Variants in TRPC5 observed in about 807,000 individuals in gnomAD.
TRPC5 encodes the protein transient receptor potential cation channel subfamily C member 5.
Under a neutral mutation model 56.5 loss-of-function variants are expected in TRPC5, and 9 were observed. The observed-to-expected ratio is 0.16, with a 90% CI of 0.10 to 0.28. The LOEUF (loss-of-function observed/expected upper bound fraction) is 0.28. TRPC5 is among the 10% of genes least tolerant of loss of function. The pLI, the probability that TRPC5 is intolerant of heterozygous loss-of-function variation, is 1.00. For synonymous variants in TRPC5, 282 were observed against 278.5 expected, an observed-to-expected ratio of 1.01 and a Z score of -0.13; for missense variants, 469 against 748.9, an observed-to-expected ratio of 0.63 and a Z score of 4.36.
chrX:111,825,147 CTTTCTTTCT>C (rs1217611154), intron 7 of TRPC5, among the ~76,000 whole-genome samples: 1 of 24,761 alleles, frequency 4.0e-5, no homozygotes, highest in East Asian at 4.4e-3. Context: ...TCCTTCCTTC[CTTTCTTTCT>C]TTCTTTCTTT....
At chrX:112,077,936 G>A (rs1360706697) in intron 1 of TRPC5, among the ~76,000 whole-genome samples, 1 of 111,033 alleles carries the variant, frequency 9.0e-6, no homozygotes, top group East Asian at 2.8e-4. Flanking sequence ...GTGTGCATGT[G>A]TGTGTATTTG....
At chrX:111,812,309 T>C (rs1477193371) in intron 7 of TRPC5, among the ~76,000 whole-genome samples, 1 of 111,309 alleles carries the variant, frequency 9.0e-6, no homozygotes, top group African/African-American at 3.3e-5. Flanking sequence ...TAGAATGCTT[T>C]CTGGTGCCCC....
chrX:111,995,123 T>A (rs981006525), intron 1 of TRPC5, among the ~76,000 whole-genome samples: 5 of 111,796 alleles, frequency 4.5e-5, no homozygotes. Context: ...GCTCTTATTA[T>A]TTTGAGATAC....
At chrX:112,010,616 C>T (rs1162378025) in intron 1 of TRPC5, among the ~76,000 whole-genome samples, 1 of 110,869 alleles carries the variant, frequency 9.0e-6, no homozygotes, top group Admixed American at 9.7e-5. Flanking sequence ...GTGTATCTAA[C>T]ACACAATATC....
chrX:111,801,669 C>A (rs1427728016), intron 7 of TRPC5, among the ~76,000 whole-genome samples: 1 of 112,054 alleles, frequency 8.9e-6, no homozygotes, highest in African/African-American at 3.2e-5. Context: ...ACAATGTGCT[C>A]ATTGACCATT....
intron 7 of TRPC5, among the ~76,000 whole-genome samples, chrX:111,823,279 G>C (rs779290050): frequency 8.9e-6 from 1 of 111,898 alleles, no homozygotes; most frequent in East Asian, 2.8e-4. Context: ...GGCCCAGGCA[G>C]AATGGGGGAG....
At position 111,774,763 on chromosome X, in the gene TRPC5, T is replaced by G. The variant is rs1945865158; in HGVS notation, c.*1550A>C. 9.0e-6 allele frequency: 1 copy of G among 111,203 alleles called. No homozygotes were observed. Among genetic ancestry groups the G allele is most frequent in the African/African-American group, 3.3e-5 (1 of 30,557 alleles). The allele number at this position is 111,203 out of a possible 1,213,427, so 9.2% of individuals were successfully genotyped here. A position where few individuals can be genotyped will look rare whatever the true frequency, so the allele number is the denominator to read the frequency against. ...CGAAAGTTCCTCATTTCTCTTACTT[T>G]TATCAGAAATTACATACATTAATCT... is the stretch of plus-strand genomic sequence containing the variant. On this transcript the variant is annotated 3_prime_UTR_variant, in exon 11 of 11. Coordinates refer to ENST00000262839, the MANE Select transcript of TRPC5 (RefSeq NM_012471.3).
chrX:111,973,268 C>G (rs1427340748), intron 1 of TRPC5, among the ~76,000 whole-genome samples: 1 of 111,901 alleles, frequency 8.9e-6, no homozygotes, highest in Non-Finnish European at 1.9e-5. Flanking sequence ...GCTAATGACA[C>G]AAGGCCTTGT....
At chrX:112,005,777 T>C (rs1569529410) in intron 1 of TRPC5, among the ~76,000 whole-genome samples, 1 of 111,934 alleles carries the variant, frequency 8.9e-6, no homozygotes, top group East Asian at 2.8e-4. Flanking sequence ...CTTCTGTGAC[T>C]ACTTTGTGAA....
At chrX:111,831,210 G>C (rs1159797079) in intron 7 of TRPC5, among the ~76,000 whole-genome samples, 3 of 112,534 alleles carry the variant, frequency 2.7e-5, no homozygotes, top group Non-Finnish European at 5.6e-5. Context: ...GGAACAGCTG[G>C]AGTGGCACCT....
chrX:111,789,490 A>C (rs1222400300), intron 7 of TRPC5, among the ~76,000 whole-genome samples: 2 of 112,400 alleles, frequency 1.8e-5, no homozygotes, highest in Non-Finnish European at 3.7e-5. Flanking sequence ...AATACCATTC[A>C]GGACATAGGC....
chrX:111,842,628 C>T (rs1476625495), intron 6 of TRPC5, among the ~76,000 whole-genome samples: 1 of 112,032 alleles, frequency 8.9e-6, no homozygotes, highest in East Asian at 2.8e-4. Context: ...TCAGATGACA[C>T]AAGACTAGAG....
intron 2 of TRPC5, among the ~76,000 whole-genome samples, chrX:111,946,419 C>A (rs1926935134): frequency 9.0e-6 from 1 of 111,671 alleles, no homozygotes; most frequent in African/African-American, 3.3e-5. Flanking sequence ...TAGTGTCTTT[C>A]TTCCTGACTG....
chrX:112,047,052 CTCTTG>C (rs756529523), intron 1 of TRPC5, among the ~76,000 whole-genome samples: 1 of 111,812 alleles, frequency 8.9e-6, no homozygotes, highest in African/African-American at 3.2e-5. Flanking sequence ...AGGGCAGGGA[CTCTTG>C]TCTTATTTCC....
chrX:112,042,653 C>A (rs1929923390), intron 1 of TRPC5, among the ~76,000 whole-genome samples: 1 of 111,460 alleles, frequency 9.0e-6, no homozygotes, highest in Non-Finnish European at 1.9e-5. Flanking sequence ...CAACACCTGG[C>A]TTTTCTTCTG....
chrX:111,975,326 GA>G (rs780077724), intron 1 of TRPC5, among the ~76,000 whole-genome samples: 24,092 of 90,301 alleles, frequency 0.27, 3,337 homozygotes, highest in African/African-American at 0.54. Context: ...TCACTAAATA[GA>G]AAAAAAAAAA....
Position 111,914,468 on chromosome X carries a change from A to G in TRPC5, c.379-1656T>C, listed in dbSNP as rs534346348. ...TTTTCAACATCATTGCCTCCCTCCC[A>G]CCTTGCACGCAGGATTCTCAAACAG... On this transcript the variant is annotated intron_variant, in intron 2 of 10. Transcript: ENST00000262839. 2.2e-4 allele frequency among the ~76,000 whole-genome samples: 25 copies of G among 112,069 alleles called. No individual in the cohort carries two copies. The South Asian group carries it at 8.6e-3, about 38-fold the overall frequency.
At chrX:111,802,601 C>G (rs1292091388) in intron 7 of TRPC5, among the ~76,000 whole-genome samples, 1 of 110,898 alleles carries the variant, frequency 9.0e-6, no homozygotes, top group Non-Finnish European at 1.9e-5. Context: ...CTTAGATACA[C>G]AGTGTTTGAG....
At chrX:111,996,508 T>G (rs188713037) in intron 1 of TRPC5, among the ~76,000 whole-genome samples, 179 of 112,020 alleles carry the variant, frequency 1.6e-3, no homozygotes, top group African/African-American at 5.3e-3. Context: ...GTCTGCTTGT[T>G]GCAGAGCTGA....
Sources: allele counts gnomAD v4.1 joint callset (sites outside exome capture counted in the v4.1 genomes callset), GRCh38; gene constraint gnomAD v4.1.1; transcripts MANE v1.5; gene names NCBI Gene and HGNC (gene_info 2026-07-23, HGNC 2026-07-21).